Variants in PARP1 observed in about 807,000 individuals in gnomAD.
PARP1 encodes the protein poly(ADP-ribose) polymerase 1, also known as poly [ADP-ribose] polymerase 1.
A neutral mutation model predicts 118.7 loss-of-function variants in PARP1; 44 were observed. The ratio of observed to expected loss-of-function variants is 0.37; its 90% confidence interval spans 0.29 to 0.48. The LOEUF (loss-of-function observed/expected upper bound fraction) is 0.48. Among genes scored for constraint, PARP1 ranks in the 20% least tolerant of loss-of-function variants. The pLI, the probability that PARP1 is intolerant of heterozygous loss-of-function variation, is 0.99. For synonymous variants in PARP1, 492 were observed against 483.2 expected (o/e 1.02, Z -0.24); for missense variants, 1,100 against 1,272.4 (o/e 0.86, Z 2.06).
chr1:226,372,653 G>A (rs546998565), intron 14 of PARP1, among the ~76,000 whole-genome samples: 3 of 152,178 alleles, frequency 2.0e-5, no homozygotes, highest in South Asian at 2.1e-4. Flanking sequence ...CAGCCCAGGC[G>A]AAGAGAGTGA....
intron 14 of PARP1, chr1:226,370,806 A>G (rs771672815): frequency 8.7e-6 from 4 of 458,350 alleles, no homozygotes; most frequent in Admixed American, 3.3e-5. Context: ...GTCTGGACGA[A>G]GATATAGCAT....
intron 20 of PARP1, 100 bp downstream of exon 20, chr1:226,363,843 G>T: frequency 1.6e-6 from 2 of 1,288,536 alleles, no homozygotes; most frequent in South Asian, 1.2e-5. Flanking sequence ...AGTAACTGCA[G>T]TGGGGAATTT....
At chr1:226,365,629 T>C (rs1664244134) in intron 18 of PARP1, among the ~76,000 whole-genome samples, 1 of 152,004 alleles carries the variant, frequency 6.6e-6, no homozygotes, top group Non-Finnish European at 1.5e-5. Context: ...TAGCAGAGTG[T>C]GGTGGCTCAC....
intron 2 of PARP1, chr1:226,401,920 G>C: frequency 2.9e-6 from 4 of 1,386,778 alleles, no homozygotes; most frequent in Non-Finnish European, 3.8e-6. Context: ...GGGGGTACTG[G>C]AAACTCTTTG....
In PARP1 at chr1:226,370,493, C is replaced by A. The variant is rs751248806; in HGVS notation, c.2095G>T (p.Gly699Trp). The change falls in exon 15 of 23, where the codon GGG becomes TGG. Residue 699 changes from glycine (G) to tryptophan (W), a missense_variant. Transcript: ENST00000366794. ...YEIDLQKMPLGKLSKRQIQAA... is the reference protein window; with the variant it reads ...YEIDLQKMPLWKLSKRQIQAA... The stretch of plus-strand genomic sequence containing the variant: ...TGGATCTGCCTTTTGCTCAGCTTCC[C>A]CAAGGGCATCTTCTGAAGGTCGATC... 2.5e-6 allele frequency: 4 copies of A among 1,613,988 alleles called. No homozygotes were observed. The highest frequency in any genetic ancestry group is 8.5e-7 in the Non-Finnish European group (1 of 1,179,926).
At chr1:226,375,758 A>G (rs1257049280) in intron 13 of PARP1, among the ~76,000 whole-genome samples, 1 of 152,194 alleles carries the variant, frequency 6.6e-6, no homozygotes, top group Non-Finnish European at 1.5e-5. Flanking sequence ...AAAAAACTTT[A>G]AATGTATTGA....
chr1:226,382,208 A>G (rs1015298870), intron 8 of PARP1, among the ~76,000 whole-genome samples: 1 of 152,236 alleles, frequency 6.6e-6, no homozygotes, highest in African/African-American at 2.4e-5. Flanking sequence ...ACTATGCCAC[A>G]TGTCTCTGAG....
intron 19 of PARP1, 77 bp from the exon 20 acceptor site, chr1:226,364,147 G>C: frequency 1.4e-6 from 2 of 1,432,394 alleles, no homozygotes; most frequent in Non-Finnish European, 2.0e-6. Context: ...GTGCCAACTT[G>C]AGCAAGCCAC....
At chr1:226,396,090 A>C (rs1050947470) in intron 2 of PARP1, among the ~76,000 whole-genome samples, 2 of 152,238 alleles carry the variant, frequency 1.3e-5, no homozygotes, top group African/African-American at 4.8e-5. Context: ...TCACGCCTAT[A>C]ATCCCAGCAC....
intron 17 of PARP1, chr1:226,366,942 G>A (rs1664281487): frequency 5.3e-6 from 1 of 187,120 alleles, no homozygotes; most frequent in Non-Finnish European, 1.1e-5. Context: ...TCTAGAAGCT[G>A]AGGCAAAAAT....
At chr1:226,384,183 G>A (rs902552308) in intron 7 of PARP1, among the ~76,000 whole-genome samples, 2 of 152,364 alleles carry the variant, frequency 1.3e-5, no homozygotes, top group South Asian at 2.1e-4. Flanking sequence ...AGTAGCACAC[G>A]GTGGCATGTG....
intron 2 of PARP1, among the ~76,000 whole-genome samples, chr1:226,396,083 C>T (rs1026295871): frequency 2.0e-5 from 3 of 152,288 alleles, no homozygotes; most frequent in East Asian, 3.9e-4. Flanking sequence ...CAGTGGCTCA[C>T]GCCTATAATC....
chr1:226,376,708 T>C (rs1664493742), intron 13 of PARP1, among the ~76,000 whole-genome samples: 1 of 152,254 alleles, frequency 6.6e-6, no homozygotes, highest in South Asian at 2.1e-4. Flanking sequence ...ATTCTATTCA[T>C]ATATTACATT....
intron 3 of PARP1, 28 bp from the exon 4 acceptor site, chr1:226,390,652 A>G: frequency 6.3e-7 from 1 of 1,599,744 alleles, no homozygotes; most frequent in Non-Finnish European, 8.6e-7. Context: ...TGTGGTACCA[A>G]GGGAGCGACA....
In PARP1 at chr1:226,392,253, C is replaced by T. The variant is rs182943999; in HGVS notation, c.348G>A (p.Glu116=). ...AEKTLGDFAA[E]YAKSNRSTCK... Reference sequence around the variant, plus strand: ...ACGTACTTCTGTTGGACTTGGCATACTCTGCTGCAAAGTCACCCAGAGTCT... The same window carrying T: ...ACGTACTTCTGTTGGACTTGGCATATTCTGCTGCAAAGTCACCCAGAGTCT... Residue 116 remains glutamate (E), a synonymous_variant, in exon 3 of 23, where the codon GAG becomes GAA. Coordinates refer to ENST00000366794, the MANE Select transcript of PARP1 (RefSeq NM_001618.4). 17 of 1,614,186 alleles carry T rather than the reference C, an allele frequency of 1.1e-5. No individual in the cohort carries two copies. In the Admixed American group the frequency reaches 2.0e-4, roughly 19 times the overall value.
At chr1:226,374,587 A>C (rs1426504554) in intron 13 of PARP1, among the ~76,000 whole-genome samples, 1 of 152,104 alleles carries the variant, frequency 6.6e-6, no homozygotes, top group Non-Finnish European at 1.5e-5. Context: ...GCTGCTCCAG[A>C]TTCTTATTCT....
intron 22 of PARP1, 159 bp downstream of exon 22, chr1:226,361,810 T>C (rs1385731798): frequency 2.9e-6 from 2 of 695,838 alleles, no homozygotes; most frequent in East Asian, 2.7e-5. Flanking sequence ...AGCCAGGCTA[T>C]GCACAGGGAG....
chr1:226,368,285 C>T lies in PARP1; in HGVS notation c.2191G>A (p.Asp731Asn). 1 of 1,614,190 alleles carries T rather than the reference C, an allele frequency of 6.2e-7. No homozygotes were observed. The highest frequency in any genetic ancestry group is 8.5e-7 in the Non-Finnish European group (1 of 1,180,026). ...SQGSSDSQIL[D>N]LSNRFYTLIP... ...AGGGTGTAAAAGCGATTTGAGAGAT[C>T]CAGGATCTGAGAGTCGCTGCTGCCC... Residue 731 changes from aspartate (D) to asparagine (N), a missense_variant, in exon 16 of 23, where the codon GAT (aspartate) becomes AAT (asparagine). Around this residue, in one of 2 missense-constraint regions of PARP1, gnomAD observed 948 missense variants for 1,031.8 expected, o/e 0.92. Transcript: ENST00000366794.
chr1:226,361,845 C>T, intron 22 of PARP1, 124 bp downstream of exon 22: 2 of 729,202 alleles, frequency 2.7e-6, no homozygotes, highest in Non-Finnish European at 5.0e-6. Context: ...AAACAGTCAC[C>T]ATGGGACACA....
Sources: allele counts gnomAD v4.1 joint callset (sites outside exome capture counted in the v4.1 genomes callset), GRCh38; gene constraint gnomAD v4.1.1; regional missense constraint gnomAD v4.1.1; transcripts MANE v1.5; gene names NCBI Gene and HGNC (gene_info 2026-07-23, HGNC 2026-07-21).